CBR4: variants seen among roughly 807,000 people sequenced by gnomAD.
CBR4 encodes carbonyl reductase 4.
Under a neutral mutation model 21.0 loss-of-function variants are expected in CBR4, and 22 were observed. The observed-to-expected ratio is 1.05, with a 90% CI of 0.75 to 1.50. The LOEUF is 1.50. CBR4 is among the 40% of genes most tolerant of loss of function. The pLI is 0.00. For synonymous variants in CBR4, 100 were observed against 104.4 expected (o/e 0.96, Z 0.26); for missense variants, 302 against 286.3 (o/e 1.05, Z -0.40).
intron 2 of CBR4, among the ~76,000 whole-genome samples, chr4:168,941,198 G>C (rs959472492): frequency 2.6e-5 from 4 of 152,136 alleles, no homozygotes; most frequent in Non-Finnish European, 5.9e-5. Flanking sequence ...CTGGGGAAGG[G>C]ATAGCATTAG....
intron 2 of CBR4, among the ~76,000 whole-genome samples, chr4:168,963,480 T>A (rs1273061364): frequency 6.6e-6 from 1 of 151,484 alleles, no homozygotes; most frequent in Non-Finnish European, 1.5e-5. Context: ...CTTTTTTTTT[T>A]TTTTTTTGAG....
chr4:168,996,523 A>G (rs910822316), intron 4 of CBR4, among the ~76,000 whole-genome samples: 1 of 151,930 alleles, frequency 6.6e-6, no homozygotes. Context: ...AGTTTACATT[A>G]GGGTTCACTC....
chr4:168,997,422 G>A (rs946368170), intron 4 of CBR4, among the ~76,000 whole-genome samples: 4 of 152,082 alleles, frequency 2.6e-5, no homozygotes, highest in African/African-American at 7.2e-5. Flanking sequence ...TGCCCAATGA[G>A]GATTTATATT....
At chr4:168,903,666 C>A in intron 2 of CBR4, 1 of 1,053,508 alleles carries the variant, frequency 9.5e-7, no homozygotes. Context: ...CTCAGATCAG[C>A]TCTGCAAACC....
intron 2 of CBR4, among the ~76,000 whole-genome samples, chr4:168,980,667 T>G (rs974592241): frequency 1.3e-5 from 2 of 152,130 alleles, no homozygotes; most frequent in South Asian, 4.1e-4. Flanking sequence ...ACCTGGAAGA[T>G]GGAGGTTGTG....
At chr4:168,915,400 G>A (rs1274172616) in intron 2 of CBR4, among the ~76,000 whole-genome samples, 1 of 152,126 alleles carries the variant, frequency 6.6e-6, no homozygotes, top group Non-Finnish European at 1.5e-5. Flanking sequence ...CTAGGCATAT[G>A]GATAACTAAT....
At chr4:168,999,285 T>G (rs1004061317) in intron 4 of CBR4, among the ~76,000 whole-genome samples, 5 of 152,130 alleles carry the variant, frequency 3.3e-5, no homozygotes, top group African/African-American at 4.8e-5. Flanking sequence ...AAAACTGACA[T>G]AAAAGGACAC....
At chr4:168,900,542 A>G (rs945139440) in intron 2 of CBR4, among the ~76,000 whole-genome samples, 1 of 152,210 alleles carries the variant, frequency 6.6e-6, no homozygotes, top group African/African-American at 2.4e-5. Context: ...ATAAAAAAAT[A>G]CCTGACACTT....
At chr4:169,009,893 C>A in intron 1 of CBR4, 55 bp downstream of exon 1, 1 of 1,520,900 alleles carries the variant, frequency 6.6e-7, no homozygotes, top group East Asian at 2.3e-5. Flanking sequence ...AGGAGATTTT[C>A]TTTAGGCGCC....
In CBR4 at chr4:169,010,149, C is replaced by T; in HGVS notation, c.-60G>A. On this transcript the variant is annotated 5_prime_UTR_variant, in exon 1 of 5. Transcript: ENST00000306193. ...GAGTGGGAGCCCCTCTCCAGGTTCC[C>T]TCAGGCTTTTAAACAACCGCGGTTC... is the stretch of plus-strand genomic sequence containing the variant. The T allele has an allele frequency of 2.9e-6, 4 of 1,390,704 alleles. No individual in the cohort carries two copies. Among genetic ancestry groups the T allele is most frequent in the Non-Finnish European group, 3.8e-6 (4 of 1,049,868 alleles). 86.1% of individuals were successfully genotyped at this position (1,390,704 alleles called of 1,614,324 possible).
intron 2 of CBR4, among the ~76,000 whole-genome samples, chr4:168,899,057 C>A (rs1180277523): frequency 6.6e-6 from 1 of 152,048 alleles, no homozygotes; most frequent in Non-Finnish European, 1.5e-5. Context: ...TGGTGAGTGG[C>A]CAGGCCTGCA....
At chr4:168,934,832 C>T (rs535069862) in intron 2 of CBR4, among the ~76,000 whole-genome samples, 1 of 152,288 alleles carries the variant, frequency 6.6e-6, no homozygotes, top group South Asian at 2.1e-4. Flanking sequence ...ACTTATTTTA[C>T]AGGGCCAGCA....
Position 168,962,025 on chromosome 4 carries a change from C to CA in CBR4, n.169+40045dup, listed in dbSNP as rs372602893. On this transcript the variant is annotated intron_variant and non_coding_transcript_variant, in intron 2 of 3. Coordinates refer to the CBR4 transcript ENST00000509108. ...AAGGAGAGGAGGAAGGCAAGCAGGC[C>CA]AAAAAAAAAACCATTATATTAAAGA... Among the ~76,000 whole-genome samples the CA allele has an allele frequency of 9.9e-3, 1,105 of 111,284 alleles. 16 individuals carry two copies. Among genetic ancestry groups the CA allele is most frequent in the South Asian group, 0.033 (123 of 3,672 alleles). The allele number at this position is 111,284 out of a possible 152,430, so 73.0% of individuals were successfully genotyped here.
At chr4:168,941,836 ATAGT>A (rs1286547102) in intron 2 of CBR4, among the ~76,000 whole-genome samples, 1 of 152,180 alleles carries the variant, frequency 6.6e-6, no homozygotes, top group African/African-American at 2.4e-5. Flanking sequence ...GCTTTTTTAT[ATAGT>A]TAGTTGGCCA....
At chr4:168,995,640 A>C (rs1470110343) in intron 4 of CBR4, among the ~76,000 whole-genome samples, 2 of 151,992 alleles carry the variant, frequency 1.3e-5, no homozygotes, top group Non-Finnish European at 2.9e-5. Context: ...AACTCTGGAA[A>C]TTTTGCTCTA....
chr4:168,940,823 C>T (rs1388449902), intron 2 of CBR4, among the ~76,000 whole-genome samples: 4 of 152,222 alleles, frequency 2.6e-5, no homozygotes, highest in Non-Finnish European at 5.9e-5. Flanking sequence ...CACTTTTACA[C>T]TGTTGGTGGG....
intron 4 of CBR4, among the ~76,000 whole-genome samples, chr4:168,993,165 G>A (rs1560984150): frequency 6.6e-6 from 1 of 151,314 alleles, no homozygotes; most frequent in African/African-American, 2.4e-5. Context: ...AATATCATGG[G>A]GGTTCTCGCT....
chr4:168,972,883 C>T (rs1484056947), intron 2 of CBR4, among the ~76,000 whole-genome samples: 2 of 152,202 alleles, frequency 1.3e-5, no homozygotes, highest in Non-Finnish European at 2.9e-5. Flanking sequence ...TTAAACGCTT[C>T]CCCATTCAGT....
intron 2 of CBR4, among the ~76,000 whole-genome samples, chr4:168,902,466 T>G (rs1756730338): frequency 6.6e-6 from 1 of 152,152 alleles, no homozygotes; most frequent in Admixed American, 6.5e-5. Flanking sequence ...GTGTTGTTCA[T>G]AACTTAAATC....
Sources: gnomAD v4.1 joint callset for allele counts (sites outside exome capture counted in the v4.1 genomes callset) on GRCh38, gnomAD v4.1.1 for gene constraint, MANE v1.5 for transcripts, NCBI Gene and HGNC (gene_info 2026-07-23, HGNC 2026-07-21) for gene names.